The following PASD1 variants were observed in gnomAD, a reference collection of about 807,000 sequenced individuals.
PASD1 encodes circadian clock protein PASD1.
PASD1 carries 13 observed loss-of-function variants against 58.8 expected under a neutral mutation model. The ratio of observed to expected loss-of-function variants is 0.22; its 90% CI spans 0.14 to 0.35. The LOEUF (loss-of-function observed/expected upper bound fraction) is 0.35. PASD1 is among the 10% of genes least tolerant of loss of function. PASD1 has a pLI of 1.00. For synonymous variants in PASD1, 236 were observed against 216.7 expected, an observed-to-expected ratio of 1.09 and a Z score of -0.78; for missense variants, 734 against 568.3, an observed-to-expected ratio of 1.29 and a Z score of -2.96.
intron 1 of PASD1, among the ~76,000 whole-genome samples, chrX:151,566,655 T>G (rs1212860628): frequency 8.9e-6 from 1 of 111,986 alleles, no homozygotes; most frequent in Non-Finnish European, 1.9e-5. Context: ...GATTTCAGAT[T>G]TTGGAATACA....
chrX:151,646,745 G>T (rs2014065930), intron 8 of PASD1, among the ~76,000 whole-genome samples: 1 of 112,338 alleles, frequency 8.9e-6, no homozygotes, highest in Non-Finnish European at 1.9e-5. Context: ...TGGGATGAAG[G>T]ATGTGAAAAC....
In PASD1 at chrX:151,659,800, A is replaced by G; in HGVS notation, c.805A>G (p.Ser269Gly). The G allele has an allele frequency of 8.3e-7, 1 of 1,207,119 alleles. No individual in the cohort carries two copies. Among genetic ancestry groups the G allele is most frequent in the Non-Finnish European group, 1.1e-6 (1 of 891,422 alleles). ...FVDSDSTYCS[S>G]TVFLDTMPES... Reference sequence around the variant, plus strand: ...AGATTCTGATTCAACTTATTGCTCCAGTACAGTTTTCCTGGATACTATGCC... The same window carrying G: ...AGATTCTGATTCAACTTATTGCTCCGGTACAGTTTTCCTGGATACTATGCC... The change falls in exon 10 of 16, where the codon AGT becomes GGT. Residue 269 changes from serine (S) to glycine (G), a missense_variant. Ser to Gly is a moderately conservative substitution (Grantham distance 56). Transcript: ENST00000370357.
At chrX:151,575,965 G>A (rs931737451) in intron 1 of PASD1, among the ~76,000 whole-genome samples, 2 of 110,928 alleles carry the variant, frequency 1.8e-5, no homozygotes, top group Non-Finnish European at 3.8e-5. Context: ...CCAGGTTCAA[G>A]TGATTCTCCT....
chrX:151,661,755 C>CT (rs34934059), intron 10 of PASD1, among the ~76,000 whole-genome samples: 77 of 100,516 alleles, frequency 7.7e-4, no homozygotes, highest in East Asian at 3.4e-3. Context: ...CTCATTCTTG[C>CT]TTTTTTTTTT....
At chrX:151,622,844 G>T in intron 6 of PASD1, 93 bp from the exon 7 acceptor site, 5 of 962,687 alleles carry the variant, frequency 5.2e-6, no homozygotes, top group Non-Finnish European at 6.9e-6. Context: ...ATTGTCAATG[G>T]GTTAGCAAAC....
At position 151,639,726 on chromosome X, in the gene PASD1, A is replaced by G. The variant is rs189941848; in HGVS notation, c.630-8889A>G. Among the ~76,000 whole-genome samples, 43 of 111,593 alleles carry G rather than the reference A, an allele frequency of 3.9e-4. No individual in the cohort carries two copies. In the East Asian group the frequency reaches 0.012, roughly 32 times the overall value. The stretch of plus-strand genomic sequence containing the variant: ...GACTTAGCTCTTCTCCTAGAAAATC[A>G]AAAGCTTGCTGAGAGTGGGATTGCA... On this transcript the variant is annotated intron_variant, in intron 8 of 15. Coordinates refer to ENST00000370357, the MANE Select transcript of PASD1 (RefSeq NM_173493.3).
intron 8 of PASD1, among the ~76,000 whole-genome samples, chrX:151,634,505 G>A (rs867029073): frequency 1.8e-5 from 2 of 109,375 alleles, no homozygotes; most frequent in Non-Finnish European, 3.8e-5. Flanking sequence ...TTTTTTTTTG[G>A]TATAGGATCC....
chrX:151,672,732 G>C (rs1371198324), intron 14 of PASD1, 71 bp downstream of exon 14: 1 of 1,168,062 alleles, frequency 8.6e-7, no homozygotes, highest in Non-Finnish European at 1.1e-6. Context: ...TCCCATGCCT[G>C]AGATCACAGA....
rs189983913 is a variant in PASD1, at chrX:151,565,703, G to A, written c.-28+1864G>A. Among the ~76,000 whole-genome samples, 271 of 109,472 alleles carry A rather than the reference G, an allele frequency of 2.5e-3. 2 individuals carry two copies. The highest frequency in any genetic ancestry group is 0.017 in the Admixed American group (176 of 10,291). ...CTGCCAAGTAGCTGGGACTATAGGC[G>A]CCCGCTACCATGCCCGGCTAATTTT... On this transcript the variant is annotated intron_variant, in intron 1 of 15. Transcript: ENST00000370357.
chrX:151,593,885 T>C (rs1193154397), intron 1 of PASD1, among the ~76,000 whole-genome samples: 1 of 111,980 alleles, frequency 8.9e-6, no homozygotes. Flanking sequence ...GAGTTTCTTA[T>C]AGACGATACA....
chrX:151,589,537 C>T (rs1317679520), intron 1 of PASD1, among the ~76,000 whole-genome samples: 9 of 112,165 alleles, frequency 8.0e-5, no homozygotes, highest in Admixed American at 7.6e-4. Context: ...GTGCTAGCCA[C>T]TTCATATACA....
rs758516545 is a variant in PASD1 at position 151,664,263 on chromosome X, T to G, written c.986T>G (p.Val329Gly). ...GACCAGCAGGACCCAGAGAACCCAG[T>G]TGCCCCGTTGGACCAGGCAGGCCTG... ...PMDQQDPENPVAPLDQAGLMD... is the reference protein window; with the variant it reads ...PMDQQDPENPGAPLDQAGLMD... Residue 329 changes from valine to glycine, a missense_variant, in exon 11 of 16, where the codon GTT (valine) becomes GGT (glycine). Transcript: ENST00000370357. The G allele has an allele frequency of 8.3e-7, 1 of 1,211,332 alleles. No homozygotes were observed. The highest frequency in any genetic ancestry group is 3.0e-5 in the East Asian group (1 of 33,792).
chrX:151,598,199 C>T lies in PASD1; in HGVS notation c.-27-3328C>T, dbSNP rs971295377. On this transcript the variant is annotated intron_variant, in intron 1 of 15. Transcript: ENST00000370357. ...TTAGTTCTGAGTATTTTCTGCTTTT[C>T]AGAGCTATTTAGGAAGTTTTGTTAT... 2.7e-5 allele frequency among the ~76,000 whole-genome samples: 3 copies of T among 111,860 alleles called. No homozygotes were observed. In the East Asian group the frequency reaches 8.4e-4, roughly 31 times the overall value.
chrX:151,575,019 A>T (rs750203892), intron 1 of PASD1, among the ~76,000 whole-genome samples: 1 of 111,495 alleles, frequency 9.0e-6, no homozygotes, highest in Non-Finnish European at 1.9e-5. Flanking sequence ...TTGCAGAAAA[A>T]GGAGAATTTC....
chrX:151,652,532 C>CAAA (rs68106404), intron 9 of PASD1, among the ~76,000 whole-genome samples: 61 of 68,744 alleles, frequency 8.9e-4, no homozygotes, highest in Non-Finnish European at 1.4e-3. Context: ...GACTCCGTCT[C>CAAA]AAAAAAAAAA....
chrX:151,643,792 T>C (rs2014025075), intron 8 of PASD1, among the ~76,000 whole-genome samples: 1 of 111,664 alleles, frequency 9.0e-6, no homozygotes, highest in African/African-American at 3.3e-5. Context: ...TGTGAACTTA[T>C]ATGTTATTCA....
chrX:151,667,141 C>A (rs1438205709), intron 11 of PASD1, among the ~76,000 whole-genome samples: 2 of 111,852 alleles, frequency 1.8e-5, no homozygotes, highest in Non-Finnish European at 3.8e-5. Context: ...GCCAGTGATG[C>A]TGAGCATTTT....
At chrX:151,585,821 C>T (rs780363204) in intron 1 of PASD1, among the ~76,000 whole-genome samples, 25 of 112,051 alleles carry the variant, frequency 2.2e-4, no homozygotes, top group Admixed American at 3.8e-4. Context: ...CTTTCTACTC[C>T]TTTCAGAGGA....
chrX:151,620,916 T>A lies in PASD1; in HGVS notation c.208-14T>A. On this transcript the variant is annotated splice_polypyrimidine_tract_variant and intron_variant, in intron 4 of 15. Transcript: ENST00000370357. ...TCCTTTTTCCCTCCACCTCCTCCTC[T>A]CCTCTCCTGCCAGGCTGAGATTGTG... The A allele has an allele frequency of 8.5e-7, 1 of 1,181,464 alleles. No individual in the cohort carries two copies. The highest frequency in any genetic ancestry group is 1.1e-6 in the Non-Finnish European group (1 of 871,588).
Sources: allele counts gnomAD v4.1 joint callset (sites outside exome capture counted in the v4.1 genomes callset), GRCh38; gene constraint gnomAD v4.1.1; transcripts MANE v1.5; gene names NCBI Gene and HGNC (gene_info 2026-07-23, HGNC 2026-07-21).